SLC28A1: variants seen among roughly 807,000 people sequenced by gnomAD.
SLC28A1 encodes sodium/nucleoside cotransporter 1.
In SLC28A1, 64 loss-of-function variants were observed where a neutral mutation model predicts 74.8. The ratio of observed to expected loss-of-function variants is 0.86; its 90% CI spans 0.70 to 1.05. The LOEUF is 1.05. Among genes scored for constraint, SLC28A1 ranks in the 50% least tolerant of loss-of-function variants. SLC28A1 has a pLI of 0.00. For synonymous variants in SLC28A1, 359 were observed against 335.0 expected (o/e 1.07, Z -0.78); for missense variants, 828 against 822.8 (o/e 1.01, Z -0.08).
the SLC28A1 span, among the ~76,000 whole-genome samples, chr15:84,953,723 AAAAT>A: frequency 2.0e-5 from 3 of 152,242 alleles, no homozygotes; most frequent in Non-Finnish European, 4.4e-5. Flanking sequence ...TGCAGTTTCA[AAAAT>A]AAATAAGAAA....
In SLC28A1 at chr15:84,888,869, T is replaced by A. The variant is rs1399398261; in HGVS notation, c.185+9T>A. On this transcript the variant is annotated intron_variant, in intron 4 of 18. Transcript: ENST00000394573. ...AAGCCCTTCTCCAGATGGTAGGTGA[T>A]CTCTGGAGAGACAAGGGCGGGCCTG... The A allele has an allele frequency of 1.3e-6, 2 of 1,544,004 alleles. No homozygotes were observed. The highest frequency in any genetic ancestry group is 1.8e-6 in the Non-Finnish European group (2 of 1,140,120).
rs139981285 is a variant in SLC28A1, at chr15:84,906,318, G to A, written c.717+666G>A. Among the ~76,000 whole-genome samples, 627 of 151,670 alleles carry A rather than the reference G, an allele frequency of 4.1e-3. 8 individuals are homozygous for A. Among genetic ancestry groups the A allele is most frequent in the African/African-American group, 0.015 (603 of 41,346 alleles). ...TACAGGTGTAAGCCACCACACCTGG[G>A]CCCATTTTGTTTTGTTTTGAGACAG... On this transcript the variant is annotated intron_variant, in intron 8 of 18. Transcript: ENST00000394573.
chr15:84,888,332 C>T (rs1276313215), intron 3 of SLC28A1, among the ~76,000 whole-genome samples: 2 of 152,112 alleles, frequency 1.3e-5, no homozygotes, highest in South Asian at 2.1e-4. Flanking sequence ...TCTGACAAAG[C>T]CCCCTCCCCT....
chr15:84,935,599 C>A, intron 15 of SLC28A1, 81 bp downstream of exon 15: 1 of 1,242,946 alleles, frequency 8.0e-7, no homozygotes, highest in Non-Finnish European at 1.2e-6. Context: ...GCTGCTCTCC[C>A]GCTCCCTGGG....
At chr15:84,906,740 G>C (rs1436327736) in intron 8 of SLC28A1, among the ~76,000 whole-genome samples, 1 of 150,640 alleles carries the variant, frequency 6.6e-6, no homozygotes, top group Non-Finnish European at 1.5e-5. Context: ...CTTGAGCCAC[G>C]GTGCCCAGCC....
intron 12 of SLC28A1, among the ~76,000 whole-genome samples, chr15:84,929,490 G>A (rs1169164637): frequency 2.6e-5 from 4 of 151,330 alleles, no homozygotes; most frequent in Admixed American, 2.0e-4. Context: ...GTTGCAGTGA[G>A]CCGAGATCGC....
chr15:84,893,850 C>T (rs1022911698), intron 5 of SLC28A1, among the ~76,000 whole-genome samples: 4 of 152,162 alleles, frequency 2.6e-5, no homozygotes, highest in African/African-American at 9.7e-5. Flanking sequence ...TGGGACTCGA[C>T]CAGGAAGCCA....
chr15:84,962,685 G>A, the SLC28A1 span, among the ~76,000 whole-genome samples: 1 of 152,156 alleles, frequency 6.6e-6, no homozygotes, highest in African/African-American at 2.4e-5. Flanking sequence ...GATTACAGAT[G>A]TGAGTCACTG....
chr15:84,955,792 G>T, the SLC28A1 span, among the ~76,000 whole-genome samples: 3 of 152,148 alleles, frequency 2.0e-5, no homozygotes, highest in African/African-American at 7.2e-5. Flanking sequence ...CTCCTATCAG[G>T]GTTGTGGACA....
chr15:84,962,683 A>G, the SLC28A1 span, among the ~76,000 whole-genome samples: 2 of 152,022 alleles, frequency 1.3e-5, no homozygotes, highest in Middle Eastern at 3.2e-3. Context: ...GGGATTACAG[A>G]TGTGAGTCAC....
chr15:84,925,065 T>G (rs1184375801), intron 12 of SLC28A1, among the ~76,000 whole-genome samples: 2 of 128,490 alleles, frequency 1.6e-5, no homozygotes, highest in Non-Finnish European at 3.3e-5. Flanking sequence ...CGCGCCCAGC[T>G]AGTTTTTTTT....
the SLC28A1 span, among the ~76,000 whole-genome samples, chr15:84,972,510 G>C: frequency 1.3e-5 from 2 of 152,254 alleles, no homozygotes; most frequent in East Asian, 1.9e-4. Flanking sequence ...ATCTTAGAAG[G>C]GGCTAAACAA....
chr15:84,908,154 G>A (rs1258871247), intron 8 of SLC28A1, among the ~76,000 whole-genome samples: 3 of 135,566 alleles, frequency 2.2e-5, no homozygotes, highest in African/African-American at 8.4e-5. Context: ...CTTCTTTATT[G>A]TCCTAATAAC....
chr15:84,914,117 T>G lies in SLC28A1; in HGVS notation c.796-4407T>G, dbSNP rs190420437. Among the ~76,000 whole-genome samples the G allele has an allele frequency of 2.6e-4, 39 of 152,250 alleles. 1 individual carries two copies. The East Asian group carries it at 6.8e-3, about 26-fold the overall frequency. On this transcript the variant is annotated intron_variant, in intron 9 of 18. Coordinates refer to ENST00000394573, the MANE Select transcript of SLC28A1 (RefSeq NM_004213.5). ...GCACATGCCACCATGCCCAGCTAAT[T>G]TTTTTGAATTTTGGTAGATACAGGG...
rs1039223572 is a variant in SLC28A1, at chr15:84,935,631, T to A, written c.1581+113T>A. The A allele has an allele frequency of 2.0e-5, 18 of 882,234 alleles. No individual in the cohort carries two copies. The Admixed American group carries it at 3.3e-4, about 16-fold the overall frequency. The allele number at this position is 882,234 out of a possible 1,614,324, so 54.7% of individuals were successfully genotyped here. A position where few individuals can be genotyped will look rare whatever the true frequency, so the allele number is the denominator to read the frequency against. On this transcript the variant is annotated intron_variant, in intron 15 of 18. Transcript: ENST00000394573. ...TGGGCCTGGCTGAGACACACTGAAG[T>A]GGTGCTTCACCTCCTACATCCTGTA... is the stretch of plus-strand genomic sequence containing the variant.
intron 6 of SLC28A1, chr15:84,895,674 C>T (rs773091796): frequency 2.3e-5 from 33 of 1,410,136 alleles, no homozygotes; most frequent in Admixed American, 2.0e-4. Context: ...TCAGACTTCC[C>T]GCCCAGCCCA....
intron 2 of SLC28A1, 90 bp from the exon 3 acceptor site, chr15:84,887,655 A>G: frequency 6.4e-7 from 1 of 1,563,208 alleles, no homozygotes; most frequent in Non-Finnish European, 8.7e-7. Flanking sequence ...TGCTCCCCCC[A>G]CTCAGTCCTC....
chr15:84,961,748 A>G, the SLC28A1 span, among the ~76,000 whole-genome samples: 3 of 152,072 alleles, frequency 2.0e-5, no homozygotes, highest in Non-Finnish European at 2.9e-5. Flanking sequence ...TGGTCCAAGT[A>G]CTCCAAGATG....
rs1004187053 is a variant in SLC28A1, at chr15:84,885,569, T to G, written c.-133+818T>G. ...CAACATGGAGAAACCCCATCTCTAC[T>G]AAAAATACAAAATTAGCCAGGTGTG... On this transcript the variant is annotated intron_variant, in intron 1 of 18. Transcript: ENST00000394573. Among the ~76,000 whole-genome samples the G allele has an allele frequency of 6.6e-5, 10 of 151,648 alleles. 1 individual carries two copies. Among genetic ancestry groups the G allele is most frequent in the Admixed American group, 5.3e-4 (8 of 15,228 alleles).
Sources: allele counts gnomAD v4.1 joint callset (sites outside exome capture counted in the v4.1 genomes callset), GRCh38; gene constraint gnomAD v4.1.1; transcripts MANE v1.5; gene names NCBI Gene and HGNC (gene_info 2026-07-23, HGNC 2026-07-21).